Variants in WDPCP observed in about 807,000 individuals in gnomAD.
WDPCP encodes the protein WD repeat containing planar cell polarity effector.
Under a neutral mutation model 93.1 loss-of-function variants are expected in WDPCP, and 71 were observed. The ratio of observed to expected loss-of-function variants is 0.76; its 90% CI spans 0.63 to 0.93. The LOEUF is 0.93. WDPCP is among the 40% of genes least tolerant of loss of function. The pLI is 0.00. For missense variants in WDPCP, 844 were observed against 887.4 expected (o/e 0.95, Z 0.62); for synonymous variants, 315 against 315.0 (o/e 1.00, Z 0.00).
chr2:63,768,016 CAA>C (rs1449435571), intron 2 of WDPCP, among the ~76,000 whole-genome samples: 2 of 151,852 alleles, frequency 1.3e-5, no homozygotes, highest in Non-Finnish European at 1.5e-5. Context: ...CCAAAAAGAA[CAA>C]ATTTAAAAAC....
intron 3 of WDPCP, chr2:63,604,983 G>T: frequency 9.5e-7 from 1 of 1,053,128 alleles, no homozygotes. Context: ...TCTGATGACT[G>T]CATACTTTCG....
At chr2:63,609,218 T>G (rs1396627991) in intron 3 of WDPCP, among the ~76,000 whole-genome samples, 1 of 151,984 alleles carries the variant, frequency 6.6e-6, no homozygotes, top group Non-Finnish European at 1.5e-5. Flanking sequence ...AATACAAAAA[T>G]TAGTCGGGCA....
chr2:63,411,123 A>G (rs1694990072), intron 9 of WDPCP, among the ~76,000 whole-genome samples: 1 of 152,246 alleles, frequency 6.6e-6, no homozygotes, highest in Non-Finnish European at 1.5e-5. Context: ...TCCAAGATAA[A>G]CCACATGATA....
At chr2:63,229,388 G>C (rs1253870852) in intron 14 of WDPCP, 1 of 152,110 alleles carries the variant, frequency 6.6e-6, no homozygotes, top group African/African-American at 2.4e-5. Flanking sequence ...TAGGTTGCCT[G>C]TCCACTCTGA....
At chr2:63,768,448 G>T (rs138804861) in intron 2 of WDPCP, among the ~76,000 whole-genome samples, 6 of 151,626 alleles carry the variant, frequency 4.0e-5, no homozygotes, top group African/African-American at 9.7e-5. Context: ...TTTTGATAGG[G>T]GTTGCATTGA....
chr2:63,507,100 GA>G (rs1701928048), intron 1 of WDPCP, among the ~76,000 whole-genome samples: 1 of 152,072 alleles, frequency 6.6e-6, no homozygotes, highest in Admixed American at 6.6e-5. Flanking sequence ...AATAATGCAA[GA>G]AAATTCCCCA....
intron 12 of WDPCP, among the ~76,000 whole-genome samples, chr2:63,332,130 TTATG>T (rs1688025015): frequency 6.6e-6 from 1 of 150,862 alleles, no homozygotes; most frequent in South Asian, 2.1e-4. Context: ...ATATATATTT[TTATG>T]TATATGTTCC....
chr2:63,517,114 C>G (rs1347424021), intron 1 of WDPCP, among the ~76,000 whole-genome samples: 1 of 152,130 alleles, frequency 6.6e-6, no homozygotes, highest in Admixed American at 6.5e-5. Context: ...CTACTATTAC[C>G]ACTGTAGTTT....
At chr2:63,209,697 C>T (rs186891914) in intron 14 of WDPCP, among the ~76,000 whole-genome samples, 2 of 152,248 alleles carry the variant, frequency 1.3e-5, no homozygotes, top group Admixed American at 1.3e-4. Context: ...ACTTCAATGA[C>T]AGCATCTTTT....
intron 14 of WDPCP, among the ~76,000 whole-genome samples, chr2:63,216,953 C>G (rs1217668457): frequency 6.6e-6 from 1 of 152,118 alleles, no homozygotes; most frequent in Non-Finnish European, 1.5e-5. Context: ...AATAATTATT[C>G]TGGCAATTGG....
At chr2:63,835,594 T>C in the WDPCP span, among the ~76,000 whole-genome samples, 1 of 150,722 alleles carries the variant, frequency 6.6e-6, no homozygotes, top group Non-Finnish European at 1.5e-5. Context: ...TCAGTTCAGA[T>C]CCTGGTTCTG....
At chr2:63,212,092 A>G (rs1023620806) in intron 14 of WDPCP, among the ~76,000 whole-genome samples, 2 of 152,202 alleles carry the variant, frequency 1.3e-5, no homozygotes, top group Non-Finnish European at 2.9e-5. Context: ...AGGCAGGCCA[A>G]CATTCAAATT....
chr2:63,396,970 C>T (rs145315649), intron 10 of WDPCP, among the ~76,000 whole-genome samples: 239 of 152,258 alleles, frequency 1.6e-3, no homozygotes, highest in African/African-American at 5.6e-3. Flanking sequence ...CATCTCCATC[C>T]ATGTTCCCAC....
intron 2 of WDPCP, among the ~76,000 whole-genome samples, 186 bp from the exon 3 acceptor site, chr2:63,487,680 G>A (rs1700648874): frequency 6.6e-6 from 1 of 151,966 alleles, no homozygotes; most frequent in African/African-American, 2.4e-5. Flanking sequence ...TGCAGAAACT[G>A]GAAAGTTTAT....
chr2:63,546,201 GT>G (rs1453914924), intron 1 of WDPCP, among the ~76,000 whole-genome samples: 1 of 152,178 alleles, frequency 6.6e-6, no homozygotes, highest in African/African-American at 2.4e-5. Flanking sequence ...ACTCATTACT[GT>G]TCCGCCTAAA....
intron 2 of WDPCP, among the ~76,000 whole-genome samples, chr2:63,750,250 T>C (rs1045174997): frequency 4.6e-5 from 7 of 152,086 alleles, no homozygotes; most frequent in African/African-American, 1.7e-4. Context: ...AATAAATTTC[T>C]CTTGCCTCAC....
chr2:63,596,692 A>G (rs946589715), intron 3 of WDPCP, among the ~76,000 whole-genome samples: 6 of 152,220 alleles, frequency 3.9e-5, no homozygotes, highest in African/African-American at 1.2e-4. Context: ...CCAATTTTCC[A>G]GTGAAAATGC....
At chr2:63,382,309 TTTACTC>T (rs1290245263) in intron 10 of WDPCP, among the ~76,000 whole-genome samples, 8 of 152,062 alleles carry the variant, frequency 5.3e-5, no homozygotes, top group African/African-American at 1.7e-4. Context: ...AAAATTCACT[TTTACTC>T]TTAGGACCAA....
chr2:63,640,939 G>A lies in WDPCP; in HGVS notation n.488+9720C>T, dbSNP rs543288906. ...TGCTTTCGAACTATTTTTTGTACCC[G>A]TTAACCATCCCCATCTTCCTCCTAA... is the stretch of plus-strand genomic sequence containing the variant. On this transcript the variant is annotated intron_variant and non_coding_transcript_variant, in intron 3 of 4. Transcript: ENST00000467687. 9.9e-5 allele frequency among the ~76,000 whole-genome samples: 15 copies of A among 152,160 alleles called. No homozygotes were observed. In the South Asian group the frequency reaches 1.2e-3, roughly 13 times the overall value.
Sources: allele counts gnomAD v4.1 joint callset (sites outside exome capture counted in the v4.1 genomes callset), GRCh38; gene constraint gnomAD v4.1.1; transcripts MANE v1.5; gene names NCBI Gene and HGNC (gene_info 2026-07-23, HGNC 2026-07-21).